Variants in COL5A2 observed in about 807,000 individuals in gnomAD.
The protein encoded by COL5A2 is collagen type V alpha 2 chain.
A neutral mutation model predicts 208.2 loss-of-function variants in COL5A2; 23 were observed. The observed-to-expected ratio is 0.11, with a 90% confidence interval of 0.08 to 0.16. The LOEUF is 0.16. Among genes scored for constraint, COL5A2 ranks in the 10% least tolerant of loss-of-function variants. The pLI is 1.00. For missense variants in COL5A2, 1,590 were observed against 1,956.4 expected (o/e 0.81, Z 3.53); for synonymous variants, 625 against 628.5 (o/e 0.99, Z 0.08).
the COL5A2 span, among the ~76,000 whole-genome samples, chr2:189,302,289 C>T: frequency 3.3e-5 from 5 of 152,112 alleles, no homozygotes; most frequent in Non-Finnish European, 5.9e-5. Flanking sequence ...GAAAGCTTCT[C>T]TGAAGTTAAG....
chr2:189,078,951 A>G lies in COL5A2; in HGVS notation c.1005+112T>C, dbSNP rs1686473172. 4 of 867,586 alleles carry G rather than the reference A, an allele frequency of 4.6e-6. No individual in the cohort carries two copies. The Admixed American group carries it at 8.4e-5, about 18-fold the overall frequency. The allele number at this position is 867,586 out of a possible 1,614,324, so 53.7% of individuals were successfully genotyped here. A position where few individuals can be genotyped will look rare whatever the true frequency, so the allele number is the denominator to read the frequency against. On this transcript the variant is annotated intron_variant, in intron 15 of 53. Transcript: ENST00000374866. ...GTAATCAAGATTATTTTACTAGCCAACATATGTTGTCCATTTATTTTTATT... is the reference window on the plus strand; with the variant it reads ...GTAATCAAGATTATTTTACTAGCCAGCATATGTTGTCCATTTATTTTTATT...
At chr2:189,185,505 A>T (rs1477267144) in intron 1 of COL5A2, among the ~76,000 whole-genome samples, 1 of 152,198 alleles carries the variant, frequency 6.6e-6, no homozygotes, top group African/African-American at 2.4e-5. Context: ...TTTGAAAATA[A>T]CATTTCTGCT....
At chr2:189,058,113 T>G (rs1016908979) in intron 33 of COL5A2, among the ~76,000 whole-genome samples, 44 of 152,344 alleles carry the variant, frequency 2.9e-4, no homozygotes, top group African/African-American at 1.0e-3. Context: ...TGTAATTTTC[T>G]ATTTCTTTCC....
At chr2:189,277,856 A>G in the COL5A2 span, among the ~76,000 whole-genome samples, 70 of 152,214 alleles carry the variant, frequency 4.6e-4, no homozygotes, top group Non-Finnish European at 8.2e-4. Context: ...CAGTATATGC[A>G]TTTGGGTTTG....
At chr2:189,212,872 T>C (rs535813910) in intron 1 of COL5A2, among the ~76,000 whole-genome samples, 4 of 150,196 alleles carry the variant, frequency 2.7e-5, no homozygotes, top group African/African-American at 9.7e-5. Flanking sequence ...TAAATATATA[T>C]ATATATATAT....
intron 1 of COL5A2, among the ~76,000 whole-genome samples, chr2:189,118,045 T>C (rs970023074): frequency 6.6e-6 from 1 of 152,024 alleles, no homozygotes; most frequent in Non-Finnish European, 1.5e-5. Context: ...AGTCAATTGT[T>C]AAGAATACCA....
At chr2:189,153,001 A>T (rs1381678794) in intron 1 of COL5A2, among the ~76,000 whole-genome samples, 1 of 152,194 alleles carries the variant, frequency 6.6e-6, no homozygotes, top group African/African-American at 2.4e-5. Context: ...GACATATTCA[A>T]TCAAGGTTGG....
At chr2:189,264,946 A>G in the COL5A2 span, among the ~76,000 whole-genome samples, 1 of 152,186 alleles carries the variant, frequency 6.6e-6, no homozygotes, top group Non-Finnish European at 1.5e-5. Context: ...CTTTTACTTA[A>G]GCAACCACAG....
At chr2:189,426,206 T>C in the COL5A2 span, among the ~76,000 whole-genome samples, 1 of 152,178 alleles carries the variant, frequency 6.6e-6, no homozygotes, top group Non-Finnish European at 1.5e-5. Context: ...GATAGTGATA[T>C]GGACAAGGAA....
At chr2:189,248,300 T>C in the COL5A2 span, among the ~76,000 whole-genome samples, 5 of 152,232 alleles carry the variant, frequency 3.3e-5, no homozygotes, top group African/African-American at 1.2e-4. Flanking sequence ...CAGTTATTTC[T>C]ATGTTTTAAA....
In COL5A2 at chr2:189,065,053, G is replaced by A. The variant is rs2105595837; in HGVS notation, c.1568C>T (p.Ala523Val). The change falls in exon 24 of 54, where the codon GCT becomes GTT. Residue 523 changes from alanine (A) to valine (V), a missense_variant. Ala to Val is a moderately conservative substitution (Grantham distance 64). Coordinates refer to ENST00000374866, the MANE Select transcript of COL5A2 (RefSeq NM_000393.5). Reference protein sequence around the residue: ...GPPGPVGERGAPGNRGFPGSD... With the variant: ...GPPGPVGERGVPGNRGFPGSD... The stretch of plus-strand genomic sequence containing the variant: ...GCCTGGAAAACCACGATTGCCAGGA[G>A]CACCCTACAAATGACCAAAATGTGA... 6.2e-7 allele frequency: 1 copy of A among 1,613,614 alleles called. No homozygotes were observed. The highest frequency in any genetic ancestry group is 1.7e-5 in the Admixed American group (1 of 59,936).
chr2:189,163,010 A>AC (rs1336837929), intron 1 of COL5A2, among the ~76,000 whole-genome samples: 3 of 152,186 alleles, frequency 2.0e-5, no homozygotes, highest in African/African-American at 7.2e-5. Context: ...CCCATCAAAC[A>AC]TGATTGCCAA....
chr2:189,157,162 C>CTAT (rs1553521846), intron 1 of COL5A2, among the ~76,000 whole-genome samples: 4 of 140,832 alleles, frequency 2.8e-5, no homozygotes, highest in South Asian at 2.1e-4. Context: ...ATGTGCTAAG[C>CTAT]ATATATATAT....
chr2:189,192,989 G>T (rs764354800), intron 1 of COL5A2, among the ~76,000 whole-genome samples: 1 of 152,144 alleles, frequency 6.6e-6, no homozygotes, highest in Non-Finnish European at 1.5e-5. Flanking sequence ...ACAAGAGGAC[G>T]CATTTGGTCC....
At chr2:189,356,191 G>A in the COL5A2 span, among the ~76,000 whole-genome samples, 7 of 152,110 alleles carry the variant, frequency 4.6e-5, no homozygotes, top group Admixed American at 4.6e-4. Context: ...CTTTCTTTCT[G>A]GCTGCCCTTA....
At position 189,110,284 on chromosome 2, in the gene COL5A2, G is replaced by T. The variant is rs149877855; in HGVS notation, c.263C>A (p.Pro88His). Residue 88 changes from proline to histidine, a missense_variant, in exon 2 of 54, where the codon CCC (proline) becomes CAC (histidine). Physicochemically the swap from Pro to His is moderately conservative, Grantham distance 77 (BLOSUM62 -2). Coordinates refer to ENST00000374866, the MANE Select transcript of COL5A2 (RefSeq NM_000393.5). Reference protein sequence around the residue: ...DVLDCADPVTPPGECCPVCSQ... With the variant: ...DVLDCADPVTHPGECCPVCSQ... ...ACAGACAGGACAGCATTCCCCAGGG[G>T]GCGTTACAGGGTCGGCACAGTCCAG... 3.1e-4 allele frequency: 507 copies of T among 1,613,962 alleles called. No individual in the cohort carries two copies. Among genetic ancestry groups the T allele is most frequent in the Non-Finnish European group, 4.2e-4 (494 of 1,180,014 alleles).
intron 1 of COL5A2, among the ~76,000 whole-genome samples, chr2:189,193,899 A>C (rs1342140103): frequency 6.6e-6 from 1 of 152,200 alleles, no homozygotes; most frequent in African/African-American, 2.4e-5. Flanking sequence ...GAGAATTCTC[A>C]TGCAATCACG....
intron 1 of COL5A2, among the ~76,000 whole-genome samples, chr2:189,134,648 T>C (rs1278258972): frequency 6.6e-6 from 1 of 152,128 alleles, no homozygotes; most frequent in Non-Finnish European, 1.5e-5. Context: ...AAATTCAAAA[T>C]TGATGAACTC....
the COL5A2 span, among the ~76,000 whole-genome samples, chr2:189,328,063 T>A: frequency 0.013 from 1,904 of 152,316 alleles, 33 homozygotes; most frequent in African/African-American, 0.044. Context: ...AACTTCATTC[T>A]TTCTCTATTT....
Sources: allele counts gnomAD v4.1 joint callset (sites outside exome capture counted in the v4.1 genomes callset), GRCh38; gene constraint gnomAD v4.1.1; transcripts MANE v1.5; gene names NCBI Gene and HGNC (gene_info 2026-07-23, HGNC 2026-07-21).